COPG2: variants seen among roughly 807,000 people sequenced by gnomAD.
COPG2 encodes the protein coat protein complex I subunit gamma 2.
COPG2 carries 37 observed loss-of-function variants against 46.3 expected under a neutral mutation model. The observed-to-expected ratio is 0.80, with a 90% CI of 0.61 to 1.05. The LOEUF (loss-of-function observed/expected upper bound fraction) is 1.05. COPG2 is among the 50% of genes least tolerant of loss of function. COPG2 has a pLI of 0.00. For missense variants in COPG2, 427 were observed against 387.8 expected (o/e 1.10, Z -0.85); for synonymous variants, 159 against 129.7 (o/e 1.23, Z -1.53).
chr7:130,624,963 C>T (rs531599188), intron 5 of COPG2, among the ~76,000 whole-genome samples: 1 of 152,290 alleles, frequency 6.6e-6, no homozygotes, highest in African/African-American at 2.4e-5. Context: ...GGCAGTTCTA[C>T]TTTTAACTCT....
intron 12 of COPG2, among the ~76,000 whole-genome samples, chr7:130,556,127 A>T (rs1793619303): frequency 6.6e-6 from 1 of 152,172 alleles, no homozygotes. Flanking sequence ...CTGAATAAGA[A>T]CCCTAAGGAT....
chr7:130,571,583 C>T (rs1793900241), intron 9 of COPG2, among the ~76,000 whole-genome samples: 2 of 152,026 alleles, frequency 1.3e-5, no homozygotes, highest in Admixed American at 6.6e-5. Flanking sequence ...GGGAACACTT[C>T]TACACTGATG....
At chr7:130,551,208 G>A (rs957997956) in intron 16 of COPG2, 33 bp downstream of exon 16, 200 of 398,302 alleles carry the variant, frequency 5.0e-4, no homozygotes, top group African/African-American at 3.8e-3. Flanking sequence ...ACCATTTGAG[G>A]AACAAAAGTG....
At chr7:130,631,065 T>C (rs1795218802) in intron 5 of COPG2, among the ~76,000 whole-genome samples, 1 of 152,212 alleles carries the variant, frequency 6.6e-6, no homozygotes, top group South Asian at 2.1e-4. Context: ...GTGTTTAGAA[T>C]AGGTGCCTTT....
At chr7:130,618,676 T>C (rs1794989477) in intron 5 of COPG2, among the ~76,000 whole-genome samples, 1 of 152,204 alleles carries the variant, frequency 6.6e-6, no homozygotes, top group Non-Finnish European at 1.5e-5. Flanking sequence ...GTATCAAGTA[T>C]ATTATTCATA....
chr7:130,583,156 AC>A (rs1794187828), intron 9 of COPG2, among the ~76,000 whole-genome samples: 1 of 151,618 alleles, frequency 6.6e-6, no homozygotes, highest in Non-Finnish European at 1.5e-5. Context: ...ACCATGGAAT[AC>A]TATGCAGCCA....
chr7:130,524,727 G>A (rs1799757841), intron 20 of COPG2, among the ~76,000 whole-genome samples: 1 of 152,182 alleles, frequency 6.6e-6, no homozygotes, highest in Non-Finnish European at 1.5e-5. Flanking sequence ...AGGAATGAAA[G>A]AGAGGTGGGA....
At chr7:130,555,802 C>T (rs1186873501) in intron 12 of COPG2, among the ~76,000 whole-genome samples, 1 of 151,926 alleles carries the variant, frequency 6.6e-6, no homozygotes, top group Non-Finnish European at 1.5e-5. Flanking sequence ...TGCACTCCAG[C>T]CTGGGTGACA....
rs981954418 is a variant in COPG2, at chr7:130,600,746, T to C, written c.737+10207A>G. ...AGGCATAAAGGTCTCTTGTTTCATT[T>C]TGTTTACCCAATCTGAGCCTCTTTT... On this transcript the variant is annotated intron_variant, in intron 9 of 23. Transcript: ENST00000425248. Among the ~76,000 whole-genome samples, 6 of 152,218 alleles carry C rather than the reference T, an allele frequency of 3.9e-5. No individual in the cohort carries two copies. The East Asian group carries it at 5.8e-4, about 15-fold the overall frequency.
At chr7:130,590,452 T>A (rs527649020) in intron 9 of COPG2, among the ~76,000 whole-genome samples, 2 of 152,326 alleles carry the variant, frequency 1.3e-5, no homozygotes, top group South Asian at 4.1e-4. Flanking sequence ...GAGACGGGGT[T>A]TCGCTGTGTT....
At chr7:130,506,839 G>A (rs141676033) in intron 23 of COPG2, 33 bp from the exon 24 acceptor site, 1 of 760,396 alleles carries the variant, frequency 1.3e-6, no homozygotes, top group Non-Finnish European at 2.4e-6. Flanking sequence ...ACCATATTAA[G>A]AACCCAAAAC....
intron 20 of COPG2, among the ~76,000 whole-genome samples, chr7:130,536,379 G>A (rs1200751281): frequency 1.3e-5 from 2 of 152,144 alleles, no homozygotes; most frequent in African/African-American, 4.8e-5. Context: ...GTTGAGGGGT[G>A]GGTTTCACCC....
intron 5 of COPG2, among the ~76,000 whole-genome samples, chr7:130,625,122 G>C (rs375698639): frequency 3.0e-4 from 45 of 152,220 alleles, no homozygotes; most frequent in African/African-American, 9.1e-4. Context: ...GAAATAAAGT[G>C]GTATCTCATT....
At chr7:130,640,328 T>C (rs1179219993) in intron 5 of COPG2, among the ~76,000 whole-genome samples, 6 of 152,088 alleles carry the variant, frequency 3.9e-5, no homozygotes, top group Admixed American at 6.5e-5. Context: ...TGTTGCTATA[T>C]TGGTCATTCA....
At chr7:130,534,006 T>G (rs1799854643) in intron 20 of COPG2, among the ~76,000 whole-genome samples, 1 of 151,018 alleles carries the variant, frequency 6.6e-6, no homozygotes, top group African/African-American at 2.4e-5. Flanking sequence ...GGAGCAGAGT[T>G]GAGCTTTGAT....
At chr7:130,570,107 C>T (rs1793871022) in intron 9 of COPG2, among the ~76,000 whole-genome samples, 1 of 152,196 alleles carries the variant, frequency 6.6e-6, no homozygotes, top group Admixed American at 6.5e-5. Context: ...TTATACTGAA[C>T]AGGAAAAAGT....
At position 130,605,741 on chromosome 7, in the gene COPG2, C is replaced by T. The variant is rs1554451131; in HGVS notation, c.737+5212G>A. On this transcript the variant is annotated intron_variant, in intron 9 of 23. Transcript: ENST00000425248. Reference sequence around the variant, plus strand: ...TAAATGAGATTGGAAGTGGATTCTTCCTCAAAGCCTCCAGTAAGCAACAGC... The same window carrying T: ...TAAATGAGATTGGAAGTGGATTCTTTCTCAAAGCCTCCAGTAAGCAACAGC... 11 of 519,818 alleles carry T rather than the reference C, an allele frequency of 2.1e-5. 1 individual carries two copies. Among genetic ancestry groups the T allele is most frequent in the Middle Eastern group, 3.2e-4 (1 of 3,168 alleles). 32.2% of individuals were successfully genotyped at this position (519,818 alleles called of 1,614,324 possible).
At chr7:130,579,924 T>TA (rs2116435891) in intron 9 of COPG2, among the ~76,000 whole-genome samples, 1 of 151,960 alleles carries the variant, frequency 6.6e-6, no homozygotes, top group South Asian at 2.1e-4. Flanking sequence ...CTGTCAACAT[T>TA]AGACAGATCA....
At chr7:130,647,026 TGTATATATA>T (rs1795624607) in intron 5 of COPG2, among the ~76,000 whole-genome samples, 1 of 142,708 alleles carries the variant, frequency 7.0e-6, no homozygotes, top group African/African-American at 2.6e-5. Context: ...TATATATATG[TGTATATATA>T]TATTTATTTA....
Sources: gnomAD v4.1 joint callset for allele counts (sites outside exome capture counted in the v4.1 genomes callset) on GRCh38, gnomAD v4.1.1 for gene constraint, MANE v1.5 for transcripts, NCBI Gene and HGNC (gene_info 2026-07-23, HGNC 2026-07-21) for gene names.